Variants in CIMAP3 observed in about 807,000 individuals in gnomAD.
CIMAP3 encodes ciliary microtubule associated protein 3, also known as ciliary microtubule-associated protein 3.
chr1:111,341,741 T>C, the CIMAP3 span, among the ~76,000 whole-genome samples: 9 of 152,190 alleles, frequency 5.9e-5, no homozygotes, highest in Non-Finnish European at 1.0e-4. Flanking sequence ...AGTCTGTTGA[T>C]TGGATGACTC....
the CIMAP3 span, among the ~76,000 whole-genome samples, chr1:111,329,196 G>C: frequency 6.6e-6 from 1 of 152,012 alleles, no homozygotes; most frequent in Non-Finnish European, 1.5e-5. Flanking sequence ...TGGCTTGCAG[G>C]GTTTCAGCGG....
At chr1:111,352,584 G>C in the CIMAP3 span, 1 of 152,508 alleles carries the variant, frequency 6.6e-6, no homozygotes, top group Non-Finnish European at 1.5e-5. Context: ...ACCTCAGCAA[G>C]AACATACCTA....
At chr1:111,347,105 C>G in the CIMAP3 span, 1 of 1,502,100 alleles carries the variant, frequency 6.7e-7, no homozygotes. Context: ...TGAGGGATAG[C>G]CAAGTTTCCA....
At chr1:111,347,618 C>CTTTTTTTTTTTTTTTTTTTGTTTTTTTT in the CIMAP3 span, 1 of 928,432 alleles carries the variant, frequency 1.1e-6, no homozygotes, top group South Asian at 1.9e-5. Flanking sequence ...GTTGTTTTTT[C>CTTTTTTTTTTTTTTTTTTTGTTTTTTTT]TTTCTTTTTT....
the CIMAP3 span, among the ~76,000 whole-genome samples, chr1:111,326,274 G>A: frequency 1.3e-5 from 2 of 152,148 alleles, no homozygotes; most frequent in South Asian, 4.1e-4. Context: ...GTTTGTACCC[G>A]TTAACCTATC....
chr1:111,334,769 G>A, the CIMAP3 span, among the ~76,000 whole-genome samples: 3 of 152,090 alleles, frequency 2.0e-5, no homozygotes, highest in African/African-American at 7.2e-5. Flanking sequence ...TTCATTAGAG[G>A]CTCTCAACGG....
At chr1:111,340,972 G>A in the CIMAP3 span, among the ~76,000 whole-genome samples, 1 of 151,682 alleles carries the variant, frequency 6.6e-6, no homozygotes, top group African/African-American at 2.4e-5. Flanking sequence ...GTCCAACAAT[G>A]ATAGACTGGA....
chr1:111,333,286 G>T, the CIMAP3 span, among the ~76,000 whole-genome samples: 1 of 152,190 alleles, frequency 6.6e-6, no homozygotes, highest in Non-Finnish European at 1.5e-5. Context: ...ACACTGCTGG[G>T]CTTGCAACAT....
At chr1:111,346,786 T>C in the CIMAP3 span, 1 of 1,567,000 alleles carries the variant, frequency 6.4e-7, no homozygotes, top group Non-Finnish European at 8.8e-7. Context: ...GAGTTTGGCG[T>C]GGTTTTGTAA....
At chr1:111,331,897 C>A in the CIMAP3 span, among the ~76,000 whole-genome samples, 3 of 151,726 alleles carry the variant, frequency 2.0e-5, no homozygotes, top group African/African-American at 7.3e-5. Flanking sequence ...GATGTCAGTT[C>A]AGGGAGGGTG....
chr1:111,331,465 C>T, the CIMAP3 span, among the ~76,000 whole-genome samples: 79 of 152,194 alleles, frequency 5.2e-4, 1 homozygote, highest in Admixed American at 2.1e-3. Flanking sequence ...GTTTCTTCTA[C>T]TTAGTCCAGT....
chr1:111,350,179 T>TGG, the CIMAP3 span: 4 of 1,613,948 alleles, frequency 2.5e-6, no homozygotes, highest in Non-Finnish European at 2.5e-6. Flanking sequence ...ATCTCCAGAC[T>TGG]GGGCTCAGGT....
chr1:111,346,883 A>C, the CIMAP3 span: 1 of 1,610,260 alleles, frequency 6.2e-7, no homozygotes, highest in Admixed American at 1.7e-5. Context: ...GCCGTCCCTC[A>C]CGTGGAGCCT....
the CIMAP3 span, among the ~76,000 whole-genome samples, chr1:111,334,630 A>G: frequency 6.6e-6 from 1 of 152,248 alleles, no homozygotes; most frequent in Non-Finnish European, 1.5e-5. Flanking sequence ...AAGGGAACTC[A>G]GTGATCTCTA....
the CIMAP3 span, among the ~76,000 whole-genome samples, chr1:111,336,150 A>C: frequency 6.6e-6 from 1 of 152,372 alleles, no homozygotes; most frequent in African/African-American, 2.4e-5. Context: ...CCTGTCTGTT[A>C]GAAGGAAAAC....
chr1:111,329,079 G>A, the CIMAP3 span, among the ~76,000 whole-genome samples: 147 of 152,260 alleles, frequency 9.7e-4, 4 homozygotes, highest in South Asian at 0.013. Context: ...ATCTAAAAAG[G>A]ATCTTATTTC....
the CIMAP3 span, among the ~76,000 whole-genome samples, chr1:111,336,196 T>A: frequency 2.5e-4 from 38 of 152,204 alleles, no homozygotes; most frequent in African/African-American, 8.7e-4. Flanking sequence ...CAAAAACCCA[T>A]CTGCACATCA....
the CIMAP3 span, chr1:111,346,564 C>A: frequency 1.3e-6 from 2 of 1,599,674 alleles, no homozygotes; most frequent in African/African-American, 2.7e-5. Flanking sequence ...GCCCTCTCCC[C>A]CTCCCCGCGC....
At chr1:111,341,968 C>T in the CIMAP3 span, among the ~76,000 whole-genome samples, 2 of 151,942 alleles carry the variant, frequency 1.3e-5, no homozygotes, top group African/African-American at 2.4e-5. Context: ...TATTGGTGTT[C>T]AAGAGGGAGT....
Sources: gnomAD v4.1 joint callset for allele counts (sites outside exome capture counted in the v4.1 genomes callset) on GRCh38, gnomAD v4.1.1 for gene constraint, MANE v1.5 for transcripts, NCBI Gene and HGNC (gene_info 2026-07-23, HGNC 2026-07-21) for gene names.